The following P2RX1 variants were observed in gnomAD, a reference collection of about 807,000 sequenced individuals.
P2RX1 encodes purinergic receptor P2X 1.
In P2RX1, 42 loss-of-function variants were observed where a neutral mutation model predicts 50.3. That is an observed-to-expected ratio of 0.83 (90% CI 0.65 to 1.08). The LOEUF is 1.08. Among genes scored for constraint, P2RX1 ranks in the 50% least tolerant of loss-of-function variants. P2RX1 has a pLI of 0.00. For missense variants in P2RX1, 449 were observed against 529.0 expected, an observed-to-expected ratio of 0.85 and a Z score of 1.48; for synonymous variants, 199 against 202.6, an observed-to-expected ratio of 0.98 and a Z score of 0.15.
In P2RX1 at chr17:3,916,303, G is replaced by A. The variant is rs2052409851; in HGVS notation, c.-78C>T. On this transcript the variant is annotated 5_prime_UTR_variant, in exon 1 of 12. The change creates a new upstream start codon in the 5' untranslated region. Coordinates refer to ENST00000225538, the MANE Select transcript of P2RX1 (RefSeq NM_002558.4). ...GGGTGAGCCGGGTGCCACCACCCAC[G>A]TCGATGGTAGAGCTTCTGGGGGCTT... is the stretch of plus-strand genomic sequence containing the variant. The A allele has an allele frequency of 1.7e-5, 25 of 1,513,576 alleles. No individual in the cohort carries two copies. Among genetic ancestry groups the A allele is most frequent in the Middle Eastern group, 2.2e-4 (1 of 4,500 alleles). The allele number at this position is 1,513,576 out of a possible 1,614,324, so 93.8% of individuals were successfully genotyped here.
intron 8 of P2RX1, among the ~76,000 whole-genome samples, chr17:3,899,290 A>C (rs2056091741): frequency 5.3e-5 from 1 of 18,698 alleles, no homozygotes; most frequent in Non-Finnish European, 1.2e-4. Flanking sequence ...CTGCAGCCTC[A>C]GATTCCTGGT....
intron 7 of P2RX1, among the ~76,000 whole-genome samples, chr17:3,901,765 A>C (rs929483353): frequency 1.3e-5 from 2 of 152,196 alleles, no homozygotes; most frequent in East Asian, 3.9e-4. Flanking sequence ...CCCACGCGCC[A>C]GGCAGCGAGG....
chr17:3,899,699 G>A lies in P2RX1; in HGVS notation c.810C>T (p.Cys270=). The A allele has an allele frequency of 6.2e-7, 1 of 1,613,978 alleles. No individual in the cohort carries two copies. Among genetic ancestry groups the A allele is most frequent in the Non-Finnish European group, 8.5e-7 (1 of 1,179,882 alleles). The change falls in exon 8 of 12, where the codon TGC becomes TGT. Residue 270 remains cysteine, a synonymous_variant. Transcript: ENST00000225538. ...GCCCATGGAACTCATAGATGGGTCT[G>A]CAGTGCCGTACGTGCCAGTCCAGGT... The part of the protein sequence containing the change: ...HCDLDWHVRH[C]RPIYEFHGLY...
At position 3,899,621 on chromosome 17, in the gene P2RX1, G is replaced by C. The variant is rs1450956823; in HGVS notation, c.875+13C>G. The stretch of plus-strand genomic sequence containing the variant: ...CACAAGGAAGAATGTGCTGCTGGGG[G>C]CCTGGCAGACACCTGAAGTTGAAGC... On this transcript the variant is annotated intron_variant, in intron 8 of 11. Transcript: ENST00000225538. 6.2e-7 allele frequency: 1 copy of C among 1,612,400 alleles called. No individual in the cohort carries two copies. Among genetic ancestry groups the C allele is most frequent in the South Asian group, 1.1e-5 (1 of 91,046 alleles).
Position 3,903,188 on chromosome 17 carries a change from A to T in P2RX1, c.747+14T>A. 2 of 1,613,978 alleles carry T rather than the reference A, an allele frequency of 1.2e-6. No homozygotes were observed. The highest frequency in any genetic ancestry group is 1.7e-6 in the Non-Finnish European group (2 of 1,180,032). On this transcript the variant is annotated intron_variant, in intron 7 of 11. Coordinates refer to ENST00000225538, the MANE Select transcript of P2RX1 (RefSeq NM_002558.4). This position sits in a 1 kb window ranked among gnomAD's most constrained non-coding sequence, Gnocchi z 4.6. ...GCCCAGCCCTCCCCACGTGCCTGGCACCATGCTCCATACCTTCTCAGCCAG... is the reference window on the plus strand; with the variant it reads ...GCCCAGCCCTCCCCACGTGCCTGGCTCCATGCTCCATACCTTCTCAGCCAG...
In P2RX1 at chr17:3,905,106, A is replaced by G. The variant is rs2056237545; in HGVS notation, c.285+114T>C. On this transcript the variant is annotated intron_variant, in intron 2 of 11. Transcript: ENST00000225538. ...CAGGCTGCTTCTGCCCGGCATTCACAGAGGTCCAGAGAGAAAGAGGAGCTG... is the reference window on the plus strand; with the variant it reads ...CAGGCTGCTTCTGCCCGGCATTCACGGAGGTCCAGAGAGAAAGAGGAGCTG... The G allele has an allele frequency of 2.1e-6, 3 of 1,421,518 alleles. No individual in the cohort carries two copies. The Admixed American group carries it at 5.6e-5, about 26-fold the overall frequency. The allele number at this position is 1,421,518 out of a possible 1,614,324, so 88.1% of individuals were successfully genotyped here.
In P2RX1 at chr17:3,914,968, T is replaced by G. The variant is rs1219134952; in HGVS notation, c.137+1121A>C. On this transcript the variant is annotated intron_variant, in intron 1 of 11. Coordinates refer to ENST00000225538, the MANE Select transcript of P2RX1 (RefSeq NM_002558.4). This position sits in a 1 kb window ranked among gnomAD's most constrained non-coding sequence, Gnocchi z 4.1. Reference sequence around the variant, plus strand: ...TGGTGGGACAGAAGGAGGGCTCTTTTGGACGCCAGAAGTTTCCGGGGGACT... The same window carrying G: ...TGGTGGGACAGAAGGAGGGCTCTTTGGGACGCCAGAAGTTTCCGGGGGACT... Among the ~76,000 whole-genome samples, 1 of 152,162 alleles carries G rather than the reference T, an allele frequency of 6.6e-6. No individual in the cohort carries two copies. The highest frequency in any genetic ancestry group is 2.4e-5 in the African/African-American group (1 of 41,450).
intron 1 of P2RX1, among the ~76,000 whole-genome samples, chr17:3,909,634 GC>G (rs2056328574): frequency 1.3e-5 from 2 of 152,092 alleles, no homozygotes; most frequent in African/African-American, 4.8e-5. Flanking sequence ...ATCACCTGAG[GC>G]CAGGAGTTAG....
chr17:3,903,812 C>T lies in P2RX1; in HGVS notation c.524+116G>A, dbSNP rs371684644. 18 of 1,103,084 alleles carry T rather than the reference C, an allele frequency of 1.6e-5. No homozygotes were observed. The highest frequency in any genetic ancestry group is 7.7e-5 in the African/African-American group (5 of 64,826). The allele number at this position is 1,103,084 out of a possible 1,614,324, so 68.3% of individuals were successfully genotyped here. A position where few individuals can be genotyped will look rare whatever the true frequency, so the allele number is the denominator to read the frequency against. The stretch of plus-strand genomic sequence containing the variant: ...CCAGGGGAATCTTCAGCCTAGGTTG[C>T]GCGGATGGGGTGAGGGTGGGGTCAG... On this transcript the variant is annotated intron_variant, in intron 5 of 11. Transcript: ENST00000225538. This position sits in a 1 kb window ranked among gnomAD's most constrained non-coding sequence, Gnocchi z 4.6.
chr17:3,906,745 C>T (rs111744341), intron 1 of P2RX1, among the ~76,000 whole-genome samples: 2 of 152,206 alleles, frequency 1.3e-5, no homozygotes, highest in Admixed American at 6.5e-5. Context: ...CACTTTCAGT[C>T]TGGAAGGTTC....
chr17:3,915,501 C>T, intron 1 of P2RX1: 1 of 456,572 alleles, frequency 2.2e-6, no homozygotes, highest in Non-Finnish European at 4.4e-6. Flanking sequence ...TCCGGAGATG[C>T]CCAGAAAGGA....
In P2RX1 at chr17:3,903,825, AG is replaced by A; in HGVS notation, c.524+102del. ...CAGCCTAGGTTGCGCGGATGGGGTG[AG>A]GGTGGGGTCAGAAAAAGGGGTAAAG... is the stretch of plus-strand genomic sequence containing the variant. On this transcript the variant is annotated intron_variant, in intron 5 of 11. Coordinates refer to ENST00000225538, the MANE Select transcript of P2RX1 (RefSeq NM_002558.4). The surrounding 1 kb of genome is among the most constrained non-coding windows in gnomAD (Gnocchi z 4.6). 1 of 1,158,124 alleles carries A rather than the reference AG, an allele frequency of 8.6e-7. No homozygotes were observed. The highest frequency in any genetic ancestry group is 1.3e-6 in the Non-Finnish European group (1 of 774,112). 71.7% of individuals were successfully genotyped at this position (1,158,124 alleles called of 1,614,324 possible). A position where few individuals can be genotyped will look rare whatever the true frequency, so the allele number is the denominator to read the frequency against.
At position 3,904,948 on chromosome 17, in the gene P2RX1, G is replaced by GCCCT. The variant is rs759581038; in HGVS notation, c.286-20_286-19insAGGG. ...TGTCCCCCTAGAAGTGAGGGGCAGG[G>GCCCT]GGAGGGTGGGGTGGGCTGGGAGCTG... On this transcript the variant is annotated intron_variant, in intron 2 of 11. Transcript: ENST00000225538. The GCCCT allele has an allele frequency of 5.0e-5, 68 of 1,349,486 alleles. No individual in the cohort carries two copies. Among genetic ancestry groups the GCCCT allele is most frequent in the Non-Finnish European group, 6.2e-5 (59 of 955,704 alleles). 83.6% of individuals were successfully genotyped at this position (1,349,486 alleles called of 1,614,324 possible).
chr17:3,902,450 T>C (rs1252234356), intron 7 of P2RX1, among the ~76,000 whole-genome samples: 1 of 151,754 alleles, frequency 6.6e-6, no homozygotes, highest in Non-Finnish European at 1.5e-5. Flanking sequence ...CATGCCACGA[T>C]GCCTGCCTAA....
At position 3,916,248 on chromosome 17, in the gene P2RX1, A is replaced by T; in HGVS notation, c.-23T>A. 4.3e-6 allele frequency: 7 copies of T among 1,611,120 alleles called. No individual in the cohort carries two copies. The highest frequency in any genetic ancestry group is 5.1e-6 in the Non-Finnish European group (6 of 1,178,856). On this transcript the variant is annotated 5_prime_UTR_variant, in exon 1 of 12. Transcript: ENST00000225538. ...CATGGTGGGCCGGCTGGGGCTCAGA[A>T]CTGAGCCCCCTGCACGGCCTCTGCT...
rs192341234 is a variant in P2RX1, at chr17:3,915,068, A to G, written c.137+1021T>C. On this transcript the variant is annotated intron_variant, in intron 1 of 11. Transcript: ENST00000225538. ...CATTTAGCAGTTCTGGTTCGGAACCATGGTAAAAATGGGGAGGGTAGAGCT... is the reference window on the plus strand; with the variant it reads ...CATTTAGCAGTTCTGGTTCGGAACCGTGGTAAAAATGGGGAGGGTAGAGCT... Among the ~76,000 whole-genome samples the G allele has an allele frequency of 1.1e-3, 175 of 152,238 alleles. 2 individuals are homozygous for G. The highest frequency in any genetic ancestry group is 2.3e-3 in the Non-Finnish European group (155 of 67,990).
chr17:3,900,906 G>A lies in P2RX1; in HGVS notation c.748-1145C>T, dbSNP rs577610662. On this transcript the variant is annotated intron_variant, in intron 7 of 11. Coordinates refer to ENST00000225538, the MANE Select transcript of P2RX1 (RefSeq NM_002558.4). The stretch of plus-strand genomic sequence containing the variant: ...CCTGGATTGGGAAGAAAACATTGGA[G>A]AAAGCGAAGCTCCTCTGGGCGAGGC... Among the ~76,000 whole-genome samples the A allele has an allele frequency of 6.6e-5, 10 of 152,286 alleles. No homozygotes were observed. The South Asian group carries it at 2.1e-3, about 32-fold the overall frequency.
intron 1 of P2RX1, among the ~76,000 whole-genome samples, chr17:3,912,895 C>G (rs2056389088): frequency 6.6e-6 from 1 of 152,184 alleles, no homozygotes; most frequent in Non-Finnish European, 1.5e-5. Context: ...TTCAAGAGGT[C>G]TGTGTGGAGG....
At chr17:3,905,429 T>C in intron 1 of P2RX1, 62 bp from the exon 2 acceptor site, 1 of 1,586,540 alleles carries the variant, frequency 6.3e-7, no homozygotes, top group Non-Finnish European at 8.6e-7. Flanking sequence ...TGTCACACGC[T>C]TTCCCACGCC....
Sources: allele counts gnomAD v4.1 joint callset (sites outside exome capture counted in the v4.1 genomes callset), GRCh38; gene constraint gnomAD v4.1.1; non-coding constraint Gnocchi (gnomAD v3.1); transcripts MANE v1.5; gene names NCBI Gene and HGNC (gene_info 2026-07-23, HGNC 2026-07-21).